ANO10: variants seen among roughly 807,000 people sequenced by gnomAD.
ANO10 encodes the protein anoctamin 10.
A neutral mutation model predicts 74.7 loss-of-function variants in ANO10; 77 were observed. That is an observed-to-expected ratio of 1.03 (90% confidence interval 0.86 to 1.25). The LOEUF (loss-of-function observed/expected upper bound fraction) is 1.25, where lower values mean the gene tolerates loss of function less well. Among genes scored for constraint, ANO10 ranks in the 50% most tolerant of loss-of-function variants. ANO10 has a pLI of 0.00. For synonymous variants in ANO10, 279 were observed against 284.9 expected, an observed-to-expected ratio of 0.98 and a Z score of 0.21; for missense variants, 721 against 778.1, an observed-to-expected ratio of 0.93 and a Z score of 0.87.
chr3:43,683,838 C>T (rs1437098257), intron 1 of ANO10, among the ~76,000 whole-genome samples: 1 of 152,130 alleles, frequency 6.6e-6, no homozygotes, highest in Non-Finnish European at 1.5e-5. Context: ...GAAAGGATTC[C>T]CTATTTAAAA....
intron 12 of ANO10, among the ~76,000 whole-genome samples, chr3:43,407,326 G>C (rs2092594552): frequency 6.6e-6 from 1 of 152,166 alleles, no homozygotes; most frequent in African/African-American, 2.4e-5. Context: ...GCGCAGACTG[G>C]AATTCAGACC....
At chr3:43,554,571 T>C (rs780381262) in intron 10 of ANO10, among the ~76,000 whole-genome samples, 2 of 152,180 alleles carry the variant, frequency 1.3e-5, no homozygotes, top group Non-Finnish European at 2.9e-5. Flanking sequence ...CCTTCTGTTT[T>C]AGTTGATTTC....
intron 12 of ANO10, among the ~76,000 whole-genome samples, chr3:43,399,604 T>A (rs2092443165): frequency 6.6e-6 from 1 of 152,196 alleles, no homozygotes; most frequent in Non-Finnish European, 1.5e-5. Context: ...TCCAGAGGTT[T>A]GCTCTGTCTT....
intron 11 of ANO10, among the ~76,000 whole-genome samples, chr3:43,495,318 G>A (rs910705401): frequency 6.6e-6 from 1 of 151,580 alleles, no homozygotes; most frequent in African/African-American, 2.4e-5. Context: ...GAAATTTTGA[G>A]GATTATTTGG....
intron 12 of ANO10, among the ~76,000 whole-genome samples, chr3:43,411,973 G>A (rs2148893809): frequency 6.7e-6 from 1 of 150,116 alleles, no homozygotes; most frequent in South Asian, 2.1e-4. Flanking sequence ...TAGGGCCTAA[G>A]TATCACAAAG....
At chr3:43,383,350 A>G (rs917594323) in intron 12 of ANO10, among the ~76,000 whole-genome samples, 10 of 150,984 alleles carry the variant, frequency 6.6e-5, no homozygotes, top group South Asian at 2.1e-4. Flanking sequence ...GCTACTTAGG[A>G]GGCTGACACA....
At chr3:43,464,573 G>A (rs1177625898) in intron 11 of ANO10, among the ~76,000 whole-genome samples, 2 of 152,110 alleles carry the variant, frequency 1.3e-5, no homozygotes, top group African/African-American at 2.4e-5. Context: ...CCAGCAACTT[G>A]GGAGGCTGAG....
chr3:43,487,752 C>A (rs1052398885), intron 11 of ANO10, among the ~76,000 whole-genome samples: 2 of 151,994 alleles, frequency 1.3e-5, no homozygotes, highest in African/African-American at 4.8e-5. Context: ...TTTCAAAAAA[C>A]CAGCTCCTGG....
chr3:43,558,224 A>G (rs1419800203), intron 9 of ANO10, among the ~76,000 whole-genome samples: 1 of 152,230 alleles, frequency 6.6e-6, no homozygotes, highest in East Asian at 1.9e-4. Context: ...AAAAATGTTA[A>G]TGCAGACTGG....
intron 11 of ANO10, among the ~76,000 whole-genome samples, chr3:43,475,723 G>A (rs368967815): frequency 4.6e-5 from 7 of 152,084 alleles, no homozygotes; most frequent in South Asian, 2.1e-4. Flanking sequence ...ATCAGCCTCC[G>A]GAGCAGCCGG....
intron 11 of ANO10, among the ~76,000 whole-genome samples, chr3:43,510,713 T>C (rs934954357): frequency 3.9e-5 from 6 of 152,208 alleles, no homozygotes; most frequent in Non-Finnish European, 8.8e-5. Context: ...CCCACATCCC[T>C]GAGACCTAAC....
intron 12 of ANO10, among the ~76,000 whole-genome samples, chr3:43,376,872 G>A (rs764623418): frequency 6.6e-6 from 1 of 152,150 alleles, no homozygotes; most frequent in African/African-American, 2.4e-5. Context: ...AGGTTCTGCT[G>A]TAATATGGCA....
intron 7 of ANO10, among the ~76,000 whole-genome samples, chr3:43,568,485 C>G (rs1291105759): frequency 1.3e-5 from 2 of 151,346 alleles, no homozygotes; most frequent in Non-Finnish European, 3.0e-5. Context: ...AACAAACTAT[C>G]TCTCAGACCA....
intron 1 of ANO10, chr3:43,652,833 G>A (rs995632072): frequency 1.3e-5 from 2 of 151,528 alleles, no homozygotes; most frequent in African/African-American, 4.9e-5. Flanking sequence ...TAAAAATACT[G>A]TTAATAAAAT....
At chr3:43,401,013 T>C (rs1427249801) in intron 12 of ANO10, among the ~76,000 whole-genome samples, 2 of 152,244 alleles carry the variant, frequency 1.3e-5, no homozygotes, top group South Asian at 4.1e-4. Context: ...CTTTATCTGT[T>C]TCCTGGGAGA....
At chr3:43,534,665 G>A (rs367959960) in intron 11 of ANO10, among the ~76,000 whole-genome samples, 3 of 152,132 alleles carry the variant, frequency 2.0e-5, no homozygotes, top group Non-Finnish European at 2.9e-5. Flanking sequence ...CCTGCACCCC[G>A]ACCCACTGTC....
At chr3:43,553,623 C>T (rs1575412029) in intron 10 of ANO10, among the ~76,000 whole-genome samples, 1 of 151,548 alleles carries the variant, frequency 6.6e-6, no homozygotes, top group African/African-American at 2.4e-5. Context: ...TCAACTTCTG[C>T]CTCCCAGGTT....
chr3:43,466,488 T>C (rs776450469), intron 11 of ANO10, among the ~76,000 whole-genome samples: 1 of 151,260 alleles, frequency 6.6e-6, no homozygotes, highest in Non-Finnish European at 1.5e-5. Flanking sequence ...AAGATGAATG[T>C]AGACAAGGTG....
chr3:43,391,158 C>T (rs1367864517), intron 12 of ANO10, among the ~76,000 whole-genome samples: 1 of 152,126 alleles, frequency 6.6e-6, no homozygotes, highest in African/African-American at 2.4e-5. Context: ...GCGTATATTT[C>T]TAAAACAAGG....
Sources: allele counts gnomAD v4.1 joint callset (sites outside exome capture counted in the v4.1 genomes callset), GRCh38; gene constraint gnomAD v4.1.1; transcripts MANE v1.5; gene names NCBI Gene and HGNC (gene_info 2026-07-23, HGNC 2026-07-21).